TPRG1: variants seen among roughly 807,000 people sequenced by gnomAD.
The protein encoded by TPRG1 is tumor protein p63 regulated 1.
TPRG1 carries 29 observed loss-of-function variants against 29.3 expected under a neutral mutation model. That is an observed-to-expected ratio of 0.99 (90% CI 0.74 to 1.35). The LOEUF (loss-of-function observed/expected upper bound fraction) is 1.35. Ranked by LOEUF, TPRG1 falls within the 40% of genes most tolerant of loss-of-function variation. TPRG1 has a pLI of 0.00. For synonymous variants in TPRG1, 130 were observed against 116.8 expected (o/e 1.11, Z -0.73); for missense variants, 327 against 335.0 (o/e 0.98, Z 0.19).
intron 3 of TPRG1, among the ~76,000 whole-genome samples, chr3:189,217,122 A>G (rs1254627363): frequency 6.6e-6 from 1 of 152,208 alleles, no homozygotes; most frequent in East Asian, 1.9e-4. Flanking sequence ...GATTATAAAG[A>G]TGTGTAGACA....
intron 4 of TPRG1, among the ~76,000 whole-genome samples, chr3:189,270,810 C>T (rs901170668): frequency 1.3e-5 from 2 of 152,100 alleles, no homozygotes; most frequent in Non-Finnish European, 2.9e-5. Flanking sequence ...GGCCACAAAG[C>T]TAGCCAGTGC....
intron 4 of TPRG1, among the ~76,000 whole-genome samples, chr3:189,241,471 G>C (rs1348494188): frequency 2.0e-5 from 3 of 150,020 alleles, no homozygotes; most frequent in Non-Finnish European, 4.4e-5. Context: ...TTATTGATTT[G>C]TAAGAGCTAT....
intron 5 of TPRG1, among the ~76,000 whole-genome samples, chr3:189,164,842 T>A (rs1426611410): frequency 6.6e-6 from 1 of 152,154 alleles, no homozygotes; most frequent in Non-Finnish European, 1.5e-5. Context: ...ACAGCTCCCA[T>A]GTCCCCCTGG....
chr3:189,202,106 A>G (rs1733594768), intron 1 of TPRG1, among the ~76,000 whole-genome samples: 1 of 152,174 alleles, frequency 6.6e-6, no homozygotes. Flanking sequence ...CTGATTAAAA[A>G]GCTCTCAGGG....
At chr3:189,284,093 C>T (rs1028177639) in intron 4 of TPRG1, among the ~76,000 whole-genome samples, 6 of 152,154 alleles carry the variant, frequency 3.9e-5, no homozygotes, top group African/African-American at 2.4e-5. Context: ...GTCTCACCCA[C>T]GTTTCCCAGG....
At chr3:189,279,272 T>C (rs1319118128) in intron 4 of TPRG1, among the ~76,000 whole-genome samples, 1 of 152,154 alleles carries the variant, frequency 6.6e-6, no homozygotes, top group East Asian at 1.9e-4. Context: ...GGAGAACAAC[T>C]CTTGGTGGGC....
intron 5 of TPRG1, among the ~76,000 whole-genome samples, chr3:189,315,984 C>T (rs888629845): frequency 1.3e-5 from 2 of 152,046 alleles, no homozygotes; most frequent in Admixed American, 1.3e-4. Flanking sequence ...ATTTAAGCAC[C>T]AAAGAAGGTG....
At position 189,226,336 on chromosome 3, in the gene TPRG1, C is replaced by CAT. The variant is rs576924363; in HGVS notation, c.302+10953_302+10954insAT. ...AAATCATACAGAGTATGTTCTCTGA[C>CAT]TACAATGAGTCAAACTAGAAATAAA... On this transcript the variant is annotated intron_variant, in intron 3 of 5. Transcript: ENST00000345063. Among the ~76,000 whole-genome samples, 7 of 152,134 alleles carry CAT rather than the reference C, an allele frequency of 4.6e-5. No homozygotes were observed. In the East Asian group the frequency reaches 1.3e-3, roughly 29 times the overall value.
intron 4 of TPRG1, among the ~76,000 whole-genome samples, chr3:189,093,331 A>G (rs929599332): frequency 3.9e-5 from 6 of 152,284 alleles, no homozygotes; most frequent in Admixed American, 2.0e-4. Context: ...GCAAACAGGA[A>G]GATTAATTGA....
rs1560711441 is a variant in TPRG1, at chr3:189,325,201, T to C, written c.*4381T>C. ...GATATCCTCTGCTAAACCCTCTCTT[T>C]AGCCTCAAAGCCCAAGACCAAAAAA... On this transcript the variant is annotated 3_prime_UTR_variant, in exon 6 of 6. Coordinates refer to ENST00000345063, the MANE Select transcript of TPRG1 (RefSeq NM_198485.4). The C allele has an allele frequency of 6.6e-6, 1 of 151,454 alleles. No individual in the cohort carries two copies. The highest frequency in any genetic ancestry group is 6.6e-5 in the Admixed American group (1 of 15,142). 9.4% of individuals were successfully genotyped at this position (151,454 alleles called of 1,614,324 possible). A position where few individuals can be genotyped will look rare whatever the true frequency, so the allele number is the denominator to read the frequency against.
chr3:189,085,451 G>GTGTGTGTGTGCA (rs1449681067), intron 4 of TPRG1, among the ~76,000 whole-genome samples: 207 of 112,258 alleles, frequency 1.8e-3, no homozygotes, highest in African/African-American at 0.011. Context: ...GTGTGCATGT[G>GTGTGTGTGTGCA]TGTGTGTGTG....
intron 3 of TPRG1, among the ~76,000 whole-genome samples, chr3:189,222,717 A>G (rs565686747): frequency 2.0e-5 from 3 of 152,296 alleles, no homozygotes; most frequent in East Asian, 1.9e-4. Context: ...GCTTCCATAT[A>G]CGTCTGTTAC....
intron 3 of TPRG1, among the ~76,000 whole-genome samples, chr3:189,228,019 G>T (rs910643194): frequency 6.6e-6 from 1 of 152,128 alleles, no homozygotes; most frequent in Non-Finnish European, 1.5e-5. Context: ...TACTCGGGAG[G>T]CTGAGGCAGA....
intron 4 of TPRG1, among the ~76,000 whole-genome samples, chr3:189,088,991 TC>T (rs1363341728): frequency 5.3e-5 from 8 of 152,180 alleles, no homozygotes; most frequent in African/African-American, 1.9e-4. Flanking sequence ...TATCTATCTA[TC>T]TATCTATCTA....
intron 4 of TPRG1, among the ~76,000 whole-genome samples, chr3:189,031,418 T>G (rs1199973956): frequency 6.6e-5 from 10 of 152,260 alleles, no homozygotes; most frequent in Non-Finnish European, 2.9e-5. Flanking sequence ...GCATGATGTT[T>G]CATATATTTA....
intron 4 of TPRG1, among the ~76,000 whole-genome samples, chr3:189,072,229 A>C (rs1454944987): frequency 6.6e-6 from 1 of 152,226 alleles, no homozygotes; most frequent in Non-Finnish European, 1.5e-5. Flanking sequence ...TTTGACCTAC[A>C]GATCATATTC....
At chr3:189,094,746 G>C (rs1370810826) in intron 4 of TPRG1, among the ~76,000 whole-genome samples, 1 of 152,220 alleles carries the variant, frequency 6.6e-6, no homozygotes. Context: ...TAGGCGATTT[G>C]AGACATGATA....
chr3:189,209,924 A>G (rs1011663872), intron 2 of TPRG1, among the ~76,000 whole-genome samples: 5 of 152,194 alleles, frequency 3.3e-5, no homozygotes, highest in Admixed American at 1.3e-4. Flanking sequence ...ACCAACAAAC[A>G]TAGTATGAAG....
intron 4 of TPRG1, among the ~76,000 whole-genome samples, chr3:189,279,451 T>C (rs1355539467): frequency 6.6e-6 from 1 of 152,206 alleles, no homozygotes; most frequent in Non-Finnish European, 1.5e-5. Flanking sequence ...TTATTGTCTT[T>C]GGAGTCAGGT....
Sources: gnomAD v4.1 joint callset for allele counts (sites outside exome capture counted in the v4.1 genomes callset) on GRCh38, gnomAD v4.1.1 for gene constraint, MANE v1.5 for transcripts, NCBI Gene and HGNC (gene_info 2026-07-23, HGNC 2026-07-21) for gene names.